The following GABRB1 variants were observed in gnomAD, a reference collection of about 807,000 sequenced individuals.
The protein encoded by GABRB1 is gamma-aminobutyric acid type A receptor subunit beta1.
Under a neutral mutation model 51.6 loss-of-function variants are expected in GABRB1, and 17 were observed. The observed-to-expected ratio is 0.33, with a 90% CI of 0.23 to 0.49. The LOEUF is 0.49. Ranked by LOEUF, GABRB1 falls within the 20% of genes least tolerant of loss-of-function variation. The pLI is 0.99. For missense variants in GABRB1, 410 were observed against 600.6 expected (o/e 0.68, Z 3.32); for synonymous variants, 247 against 218.9 (o/e 1.13, Z -1.14).
intron 4 of GABRB1, among the ~76,000 whole-genome samples, chr4:47,189,984 G>A (rs1230959534): frequency 6.6e-6 from 1 of 151,984 alleles, no homozygotes; most frequent in Admixed American, 6.6e-5. Context: ...GGCTCTGCTG[G>A]CATTCATGAT....
chr4:47,108,297 G>T (rs994770341), intron 3 of GABRB1, among the ~76,000 whole-genome samples: 1 of 151,970 alleles, frequency 6.6e-6, no homozygotes, highest in Non-Finnish European at 1.5e-5. Context: ...TTTCCACTTT[G>T]TGAATAATAA....
chr4:47,038,007 C>G (rs1256665908), intron 3 of GABRB1, among the ~76,000 whole-genome samples: 2 of 152,088 alleles, frequency 1.3e-5, no homozygotes, highest in Non-Finnish European at 2.9e-5. Flanking sequence ...GTAGGTTTCT[C>G]CTTTGTAAAA....
intron 4 of GABRB1, among the ~76,000 whole-genome samples, chr4:47,235,625 A>G (rs574529198): frequency 6.6e-6 from 1 of 151,976 alleles, no homozygotes; most frequent in Non-Finnish European, 1.5e-5. Flanking sequence ...TAGAAGACTA[A>G]CTCCCTAAAT....
intron 4 of GABRB1, among the ~76,000 whole-genome samples, chr4:47,228,416 C>T (rs997012754): frequency 6.6e-6 from 1 of 151,490 alleles, no homozygotes; most frequent in African/African-American, 2.4e-5. Context: ...ATGCTACCTC[C>T]AGAATTGAAA....
chr4:47,252,875 A>T (rs1312331377), intron 4 of GABRB1, among the ~76,000 whole-genome samples: 1 of 152,214 alleles, frequency 6.6e-6, no homozygotes, highest in African/African-American at 2.4e-5. Flanking sequence ...CTATTAAGAT[A>T]AAAATGAGAC....
chr4:47,246,473 G>T (rs1436435498), intron 4 of GABRB1, among the ~76,000 whole-genome samples: 1 of 144,976 alleles, frequency 6.9e-6, no homozygotes, highest in Non-Finnish European at 1.5e-5. Flanking sequence ...ATTGTGAATT[G>T]TGCTACTATA....
intron 3 of GABRB1, among the ~76,000 whole-genome samples, chr4:47,080,464 G>A (rs1190289263): frequency 1.3e-5 from 2 of 152,178 alleles, no homozygotes; most frequent in Non-Finnish European, 2.9e-5. Flanking sequence ...GAGTAATTAT[G>A]AAGTATTAAG....
rs1165939097 is a variant in GABRB1, at chr4:47,007,866, G to GTATA, written c.-20+13965_-20+13968dup. On this transcript the variant is annotated intron_variant, in intron 1 of 3. Coordinates refer to the GABRB1 transcript ENST00000513567. ...TTAAAGGACGTATACCTTGGAACTG[G>GTATA]TATATATATATATATATATATATAT... Among the ~76,000 whole-genome samples, 361 of 49,914 alleles carry GTATA rather than the reference G, an allele frequency of 7.2e-3. 21 individuals carry two copies. Among genetic ancestry groups the GTATA allele is most frequent in the African/African-American group, 0.018 (230 of 12,642 alleles). The allele number at this position is 49,914 out of a possible 152,430, so 32.7% of individuals were successfully genotyped here.
intron 3 of GABRB1, among the ~76,000 whole-genome samples, chr4:47,110,242 C>T (rs545668746): frequency 6.6e-6 from 1 of 152,160 alleles, no homozygotes; most frequent in East Asian, 1.9e-4. Flanking sequence ...CTTCCATCTT[C>T]ACTATGTTTT....
chr4:47,248,624 C>T (rs1578032995), intron 4 of GABRB1, among the ~76,000 whole-genome samples: 1 of 151,998 alleles, frequency 6.6e-6, no homozygotes, highest in East Asian at 1.9e-4. Context: ...TGCTGTGAAT[C>T]CATCTGGTCC....
At chr4:47,016,934 T>C (rs1019917388) in intron 1 of GABRB1, among the ~76,000 whole-genome samples, 1 of 152,162 alleles carries the variant, frequency 6.6e-6, no homozygotes, top group African/African-American at 2.4e-5. Flanking sequence ...TCGGTTTAAA[T>C]GAGGGTAGAA....
At chr4:47,149,828 G>A (rs112820103) in intron 3 of GABRB1, among the ~76,000 whole-genome samples, 2 of 151,778 alleles carry the variant, frequency 1.3e-5, no homozygotes, top group Non-Finnish European at 2.9e-5. Context: ...TCATTATGAA[G>A]TATAAAGTAG....
At chr4:47,094,897 A>T (rs1446125544) in intron 3 of GABRB1, among the ~76,000 whole-genome samples, 2 of 152,114 alleles carry the variant, frequency 1.3e-5, no homozygotes, top group Non-Finnish European at 2.9e-5. Flanking sequence ...TTAGGATTGA[A>T]TCTTCTTGAG....
intron 3 of GABRB1, among the ~76,000 whole-genome samples, chr4:47,146,172 T>A (rs776685922): frequency 1.3e-4 from 20 of 152,062 alleles, no homozygotes; most frequent in Non-Finnish European, 2.8e-4. Context: ...ATTTTCTGTA[T>A]CTTCCAGAAT....
At chr4:47,098,271 A>G (rs1714549027) in intron 3 of GABRB1, among the ~76,000 whole-genome samples, 2 of 151,526 alleles carry the variant, frequency 1.3e-5, no homozygotes, top group Non-Finnish European at 2.9e-5. Flanking sequence ...TCTTCCCTGG[A>G]GTTAGGTCTT....
chr4:47,359,591 A>C (rs955300196), intron 5 of GABRB1, among the ~76,000 whole-genome samples: 1 of 152,140 alleles, frequency 6.6e-6, no homozygotes, highest in African/African-American at 2.4e-5. Flanking sequence ...CACCATTATT[A>C]CACAAATTCA....
chr4:47,423,873 A>G (rs1256325137), intron 8 of GABRB1, among the ~76,000 whole-genome samples: 1 of 152,244 alleles, frequency 6.6e-6, no homozygotes, highest in Non-Finnish European at 1.5e-5. Flanking sequence ...TAAATTAGTA[A>G]GATTCAATTA....
At chr4:47,000,291 A>C (rs1724139144) in intron 1 of GABRB1, among the ~76,000 whole-genome samples, 1 of 152,242 alleles carries the variant, frequency 6.6e-6, no homozygotes. Flanking sequence ...TCTGTGGCAG[A>C]AAGAGGAATG....
intron 4 of GABRB1, among the ~76,000 whole-genome samples, chr4:47,292,991 A>G (rs1000316520): frequency 2.6e-5 from 4 of 152,260 alleles, no homozygotes; most frequent in South Asian, 2.1e-4. Flanking sequence ...CATTTAAATC[A>G]TAGCACAAAC....
Sources: gnomAD v4.1 joint callset for allele counts (sites outside exome capture counted in the v4.1 genomes callset) on GRCh38, gnomAD v4.1.1 for gene constraint, MANE v1.5 for transcripts, NCBI Gene and HGNC (gene_info 2026-07-23, HGNC 2026-07-21) for gene names.